The following SPTY2D1 variants were observed in gnomAD, a reference collection of about 807,000 sequenced individuals.
The protein encoded by SPTY2D1 is SPT2 chromatin protein domain containing 1, also known as protein SPT2 homolog.
A neutral mutation model predicts 64.0 loss-of-function variants in SPTY2D1; 21 were observed. The ratio of observed to expected loss-of-function variants is 0.33; its 90% CI spans 0.23 to 0.47. The LOEUF is 0.47. Ranked by LOEUF, SPTY2D1 falls within the 20% of genes least tolerant of loss-of-function variation. The pLI, the probability that SPTY2D1 is intolerant of heterozygous loss-of-function variation, is 1.00. For missense variants in SPTY2D1, 724 were observed against 837.2 expected, an observed-to-expected ratio of 0.86 and a Z score of 1.67; for synonymous variants, 287 against 286.8, an observed-to-expected ratio of 1.00 and a Z score of -0.01.
At chr11:18,624,539 A>G (rs2134116174) in intron 1 of SPTY2D1, among the ~76,000 whole-genome samples, 1 of 152,364 alleles carries the variant, frequency 6.6e-6, no homozygotes. Context: ...AGATTTTGCC[A>G]AGATTTGTAA....
At chr11:18,633,301 T>G (rs2134120724) in intron 1 of SPTY2D1, among the ~76,000 whole-genome samples, 1 of 152,302 alleles carries the variant, frequency 6.6e-6, no homozygotes, top group Non-Finnish European at 1.5e-5. Flanking sequence ...TGAATTGACT[T>G]TGAGAGCCGT....
At position 18,609,601 on chromosome 11, in the gene SPTY2D1, A is replaced by T. The variant is rs900992381; in HGVS notation, c.*260T>A. The T allele has an allele frequency of 1.3e-5, 6 of 468,410 alleles. No homozygotes were observed. Among genetic ancestry groups the T allele is most frequent in the East Asian group, 3.8e-5 (1 of 26,608 alleles). The allele number at this position is 468,410 out of a possible 1,614,324, so 29.0% of individuals were successfully genotyped here. A position where few individuals can be genotyped will look rare whatever the true frequency, so the allele number is the denominator to read the frequency against. On this transcript the variant is annotated 3_prime_UTR_variant, in exon 6 of 6. Transcript: ENST00000336349. ...CCCACATTAGAGTGCATAGCTCATC[A>T]GGATCAAGGCTGGCATCTGTGAACA...
chr11:18,610,686 A>AAAAAAAAAAAAAAAAAAAAAAC (rs1554987436), intron 5 of SPTY2D1, among the ~76,000 whole-genome samples: 30 of 147,276 alleles, frequency 2.0e-4, no homozygotes, highest in African/African-American at 5.6e-4. Context: ...AAAAAAAAAA[A>AAAAAAAAAAAAAAAAAAAAAAC]AACAACAATA....
At chr11:18,614,333 A>G (rs1854252736) in intron 3 of SPTY2D1, among the ~76,000 whole-genome samples, 1 of 152,126 alleles carries the variant, frequency 6.6e-6, no homozygotes, top group African/African-American at 2.4e-5. Context: ...AAGGTGGGAG[A>G]ACTGCTTGAG....
At chr11:18,622,094 A>AAAAAAAAAAAAC (rs1854417159) in intron 1 of SPTY2D1, among the ~76,000 whole-genome samples, 1 of 147,320 alleles carries the variant, frequency 6.8e-6, no homozygotes, top group African/African-American at 2.5e-5. Context: ...CTCAAAAAAA[A>AAAAAAAAAAAAC]AAAAAAAAAA....
rs1854159812 is a variant in SPTY2D1 at position 18,609,454 on chromosome 11, T to C, written c.*407A>G. ...TTCTCATAAAAAGACTAAGTTTGATTGGGAGCAGGGCAGTGCCCTACTCAC... is the reference window on the plus strand; with the variant it reads ...TTCTCATAAAAAGACTAAGTTTGATCGGGAGCAGGGCAGTGCCCTACTCAC... On this transcript the variant is annotated 3_prime_UTR_variant, in exon 6 of 6. Coordinates refer to ENST00000336349, the MANE Select transcript of SPTY2D1 (RefSeq NM_194285.3). 1 of 165,042 alleles carries C rather than the reference T, an allele frequency of 6.1e-6. No homozygotes were observed. Among genetic ancestry groups the C allele is most frequent in the Admixed American group, 5.9e-5 (1 of 16,944 alleles). The allele number at this position is 165,042 out of a possible 1,614,324, so 10.2% of individuals were successfully genotyped here.
chr11:18,634,088 C>G, intron 1 of SPTY2D1, 110 bp downstream of exon 1: 2 of 1,232,390 alleles, frequency 1.6e-6, no homozygotes, highest in East Asian at 4.6e-5. Flanking sequence ...GCGTCCGGGT[C>G]TTTCCTCTCC....
chr11:18,621,052 C>T (rs1854387673), intron 1 of SPTY2D1, among the ~76,000 whole-genome samples: 1 of 151,894 alleles, frequency 6.6e-6, no homozygotes, highest in Non-Finnish European at 1.5e-5. Flanking sequence ...GCCTGTAATG[C>T]CAGCACTTTG....
chr11:18,616,765 T>C, intron 2 of SPTY2D1, 110 bp downstream of exon 2: 1 of 895,168 alleles, frequency 1.1e-6, no homozygotes, highest in Non-Finnish European at 1.7e-6. Context: ...ACACACACCC[T>C]CCCAAATCTG....
rs565990239 is a variant in SPTY2D1, at chr11:18,622,723, G to A, written c.61-5734C>T. Among the ~76,000 whole-genome samples the A allele has an allele frequency of 3.5e-3, 529 of 152,086 alleles. 1 individual carries two copies. The highest frequency in any genetic ancestry group is 0.012 in the African/African-American group (488 of 41,470). On this transcript the variant is annotated intron_variant, in intron 1 of 5. Transcript: ENST00000336349. ...TCCCTGCACTTCGGGAGGCTGAGGCGGGCAGATCACCTGAGGTCAGGAGTT... is the reference window on the plus strand; with the variant it reads ...TCCCTGCACTTCGGGAGGCTGAGGCAGGCAGATCACCTGAGGTCAGGAGTT...
intron 1 of SPTY2D1, 52 bp downstream of exon 1, chr11:18,634,146 C>T (rs763157791): frequency 1.4e-5 from 23 of 1,606,646 alleles, no homozygotes; most frequent in Non-Finnish European, 2.0e-5. Flanking sequence ...CACACACATT[C>T]CGAACTTGGA....
chr11:18,616,915 T>G lies in SPTY2D1; in HGVS notation c.135A>C (p.Gln45His). Residue 45 changes from glutamine to histidine, a missense_variant, in exon 2 of 6, where the codon CAA becomes CAC. Coordinates refer to ENST00000336349, the MANE Select transcript of SPTY2D1 (RefSeq NM_194285.3). ...CCTCTTCTTTCCTTTTAAGAAAAGC[T>G]TGTACAGCTGCTGATTGGACACCTT... ...KVKGVQSAAV[Q>H]AFLKRKEEEL... 1.2e-6 allele frequency: 2 copies of G among 1,614,214 alleles called. No individual in the cohort carries two copies. Among genetic ancestry groups the G allele is most frequent in the South Asian group, 2.2e-5 (2 of 91,090 alleles).
At chr11:18,610,816 T>C (rs2134108166) in intron 5 of SPTY2D1, among the ~76,000 whole-genome samples, 1 of 152,288 alleles carries the variant, frequency 6.6e-6, no homozygotes, top group African/African-American at 2.4e-5. Context: ...CCAGCAATGT[T>C]ACAGGTTACC....
intron 5 of SPTY2D1, 83 bp from the exon 6 acceptor site, chr11:18,610,037 A>G: frequency 8.1e-7 from 1 of 1,240,916 alleles, no homozygotes; most frequent in East Asian, 2.3e-5. Flanking sequence ...TCCAACTGGG[A>G]GCTCACATGG....
chr11:18,616,579 A>G (rs1291389582), intron 2 of SPTY2D1, among the ~76,000 whole-genome samples: 1 of 152,226 alleles, frequency 6.6e-6, no homozygotes, highest in East Asian at 1.9e-4. Context: ...TAAAGAAAGA[A>G]TGGAGTTCTT....
intron 1 of SPTY2D1, among the ~76,000 whole-genome samples, chr11:18,621,775 T>C (rs770624457): frequency 1.1e-4 from 16 of 152,152 alleles, no homozygotes; most frequent in South Asian, 2.1e-4. Flanking sequence ...ATTAATTTCT[T>C]ATATCCTCTG....
In SPTY2D1 at chr11:18,615,979, T is replaced by C; in HGVS notation, c.295A>G (p.Ile99Val). Reference protein sequence around the residue: ...TKDNFHGYNGIPIEEKSKKRQ... With the variant: ...TKDNFHGYNGVPIEEKSKKRQ... ...TTCTTTGACTTTTCCTCAATAGGAA[T>C]CCCATTGTAACCATGGAAATTATCC... Residue 99 changes from isoleucine to valine, a missense_variant, in exon 3 of 6, where the codon ATT (isoleucine) becomes GTT (valine). Physicochemically the swap from Ile to Val is conservative, Grantham distance 29 (BLOSUM62 3). Around this residue, in one of 3 missense-constraint regions of SPTY2D1, gnomAD observed 179 missense variants for 232.5 expected, o/e 0.77. Coordinates refer to ENST00000336349, the MANE Select transcript of SPTY2D1 (RefSeq NM_194285.3). 1.9e-6 allele frequency: 3 copies of C among 1,614,242 alleles called. No homozygotes were observed. Among genetic ancestry groups the C allele is most frequent in the Non-Finnish European group, 2.5e-6 (3 of 1,180,040 alleles).
chr11:18,621,710 G>A (rs1266367958), intron 1 of SPTY2D1, among the ~76,000 whole-genome samples: 1 of 152,090 alleles, frequency 6.6e-6, no homozygotes, highest in Non-Finnish European at 1.5e-5. Flanking sequence ...GTAAGGCAAG[G>A]TCAGCACTGC....
chr11:18,612,503 T>C lies in SPTY2D1; in HGVS notation c.1712-15A>G, dbSNP rs760616194. On this transcript the variant is annotated splice_polypyrimidine_tract_variant and intron_variant, in intron 3 of 5. Coordinates refer to ENST00000336349, the MANE Select transcript of SPTY2D1 (RefSeq NM_194285.3). This position sits in a 1 kb window ranked among gnomAD's most constrained non-coding sequence, Gnocchi z 4.6. ...CCTTTGAGGACCTAAGAAACCATTA[T>C]TTATAAGAATATTACAATTTAAAAT... 1.9e-6 allele frequency: 3 copies of C among 1,568,694 alleles called. No individual in the cohort carries two copies. Among genetic ancestry groups the C allele is most frequent in the Non-Finnish European group, 2.6e-6 (3 of 1,163,100 alleles).
Sources: allele counts gnomAD v4.1 joint callset (sites outside exome capture counted in the v4.1 genomes callset), GRCh38; gene constraint gnomAD v4.1.1; regional missense constraint gnomAD v4.1.1; non-coding constraint Gnocchi (gnomAD v3.1); transcripts MANE v1.5; gene names NCBI Gene and HGNC (gene_info 2026-07-23, HGNC 2026-07-21).